The following THEMIS variants were observed in gnomAD, a reference collection of about 807,000 sequenced individuals.
THEMIS encodes the protein thymocyte selection associated.
A neutral mutation model predicts 52.6 loss-of-function variants in THEMIS; 37 were observed. The observed-to-expected ratio is 0.70, with a 90% CI of 0.54 to 0.93. THEMIS has a LOEUF of 0.93. Among genes scored for constraint, THEMIS ranks in the 40% least tolerant of loss-of-function variants. THEMIS has a pLI of 0.00. For synonymous variants in THEMIS, 292 were observed against 272.7 expected (o/e 1.07, Z -0.70); for missense variants, 808 against 763.1 (o/e 1.06, Z -0.69).
At chr6:127,745,481 G>A (rs542687504) in intron 4 of THEMIS, among the ~76,000 whole-genome samples, 2 of 151,816 alleles carry the variant, frequency 1.3e-5, no homozygotes, top group South Asian at 4.2e-4. Context: ...TAACAGTATG[G>A]ATATGGCATT....
At chr6:127,746,523 T>C (rs1191761326) in intron 4 of THEMIS, among the ~76,000 whole-genome samples, 1 of 149,980 alleles carries the variant, frequency 6.7e-6, no homozygotes, top group African/African-American at 2.4e-5. Flanking sequence ...AATTTGGTAA[T>C]ATGATCTAGT....
downstream of THEMIS, among the ~76,000 whole-genome samples, chr6:127,704,711 A>C (rs1306775511): frequency 1.3e-5 from 2 of 152,196 alleles, no homozygotes; most frequent in Non-Finnish European, 2.9e-5. Context: ...CAGCACATAC[A>C]AGACTGGGGT....
intron 4 of THEMIS, among the ~76,000 whole-genome samples, chr6:127,739,608 C>G (rs1775128253): frequency 6.6e-6 from 1 of 152,134 alleles, no homozygotes; most frequent in Admixed American, 6.5e-5. Context: ...CCACTGCACG[C>G]TAGCCTGGGC....
At chr6:127,886,656 C>T (rs1174517675) in intron 1 of THEMIS, among the ~76,000 whole-genome samples, 1 of 152,082 alleles carries the variant, frequency 6.6e-6, no homozygotes, top group African/African-American at 2.4e-5. Context: ...CACAAAAAAA[C>T]CTCGGACATG....
At chr6:127,723,320 G>A (rs1298617726) in intron 4 of THEMIS, among the ~76,000 whole-genome samples, 1 of 151,964 alleles carries the variant, frequency 6.6e-6, no homozygotes, top group Admixed American at 6.6e-5. Context: ...AGCAGCATCT[G>A]ACATGTCTGG....
chr6:127,813,592 G>A lies in THEMIS; in HGVS notation c.1049C>T (p.Pro350Leu), dbSNP rs1778014831. 1 of 1,614,064 alleles carries A rather than the reference G, an allele frequency of 6.2e-7. No homozygotes were observed. Among genetic ancestry groups the A allele is most frequent in the Non-Finnish European group, 8.5e-7 (1 of 1,179,992 alleles). The change falls in exon 4 of 6, where the codon CCA becomes CTA. Residue 350 changes from proline (P) to leucine (L), a missense_variant. Physicochemically the swap from Pro to Leu is moderately conservative, Grantham distance 98. Transcript: ENST00000368248. The stretch of plus-strand genomic sequence containing the variant: ...AGCGATCTCTAGGTCATAGGCCGTT[G>A]GGAACTCCCTCGGTCGCCGCTTGAA... ...GKFKRRPREF[P>L]TAYDLEIAKS...
chr6:127,800,763 T>C (rs1393013659), intron 4 of THEMIS, among the ~76,000 whole-genome samples: 3 of 152,148 alleles, frequency 2.0e-5, no homozygotes, highest in African/African-American at 4.8e-5. Context: ...AGCCTACATC[T>C]TTCTCCTGTG....
intron 4 of THEMIS, among the ~76,000 whole-genome samples, chr6:127,748,422 C>T (rs527846609): frequency 1.3e-5 from 2 of 152,120 alleles, no homozygotes; most frequent in South Asian, 4.2e-4. Context: ...TTATAACAAT[C>T]CACTCTCACT....
At chr6:127,816,823 C>T (rs551501708) in intron 3 of THEMIS, among the ~76,000 whole-genome samples, 5 of 152,296 alleles carry the variant, frequency 3.3e-5, no homozygotes, top group Admixed American at 1.3e-4. Context: ...TCATCTGCTA[C>T]TCCTTTGTCT....
chr6:127,702,784 A>G, the THEMIS span, among the ~76,000 whole-genome samples: 2 of 152,118 alleles, frequency 1.3e-5, no homozygotes, highest in Non-Finnish European at 2.9e-5. Context: ...TGAAAGGCAC[A>G]TCTCACATAG....
intron 2 of THEMIS, among the ~76,000 whole-genome samples, chr6:127,842,833 C>T (rs934350796): frequency 6.6e-6 from 1 of 151,806 alleles, no homozygotes; most frequent in Non-Finnish European, 1.5e-5. Context: ...TTCAGCAACC[C>T]CCTGTGTCAC....
chr6:127,716,894 G>A (rs985095042), intron 5 of THEMIS, among the ~76,000 whole-genome samples: 5 of 151,832 alleles, frequency 3.3e-5, no homozygotes, highest in African/African-American at 1.2e-4. Flanking sequence ...CTTTTACTCT[G>A]AGGAATCAGT....
intron 1 of THEMIS, among the ~76,000 whole-genome samples, chr6:127,862,239 G>C (rs966501601): frequency 2.0e-5 from 3 of 151,880 alleles, no homozygotes; most frequent in African/African-American, 7.3e-5. Flanking sequence ...AAAGACACAG[G>C]AATTTTAATC....
intron 3 of THEMIS, among the ~76,000 whole-genome samples, chr6:127,826,582 T>C (rs947356318): frequency 7.9e-5 from 12 of 152,178 alleles, no homozygotes; most frequent in African/African-American, 2.9e-4. Flanking sequence ...AGGGAAGAAA[T>C]AATTATCAAT....
At position 127,781,006 on chromosome 6, in the gene THEMIS, C is replaced by G. The variant is rs140634927; in HGVS notation, c.1758+31877G>C. On this transcript the variant is annotated intron_variant, in intron 4 of 5. Coordinates refer to ENST00000368248, the MANE Select transcript of THEMIS (RefSeq NM_001010923.3). ...GTGTGTTTTCCAACTTGGTTCCATT[C>G]TTTCCGTCACTTTCAGGTACACCAA... 9.7e-3 allele frequency among the ~76,000 whole-genome samples: 1,473 copies of G among 152,196 alleles called. 25 individuals carry two copies. The highest frequency in any genetic ancestry group is 0.034 in the African/African-American group (1,405 of 41,534).
At chr6:127,790,197 T>C in intron 4 of THEMIS, among the ~76,000 whole-genome samples, 1 of 152,186 alleles carries the variant, frequency 6.6e-6, no homozygotes, top group East Asian at 1.9e-4. Context: ...ACAAAATCAA[T>C]GTGCAAAAAT....
intron 4 of THEMIS, among the ~76,000 whole-genome samples, chr6:127,767,926 T>C (rs1776255526): frequency 6.6e-6 from 1 of 152,194 alleles, no homozygotes; most frequent in East Asian, 1.9e-4. Context: ...TATAATCTTA[T>C]GAGACCACTG....
At chr6:127,844,751 AC>A (rs1225797068) in intron 2 of THEMIS, among the ~76,000 whole-genome samples, 4 of 151,944 alleles carry the variant, frequency 2.6e-5, no homozygotes, top group African/African-American at 9.7e-5. Flanking sequence ...ACTATAAACC[AC>A]ACATGACATG....
intron 3 of THEMIS, among the ~76,000 whole-genome samples, chr6:127,815,459 T>C (rs1278790522): frequency 2.6e-5 from 4 of 152,182 alleles, no homozygotes. Context: ...ATTACTTATA[T>C]GTCCTGTGTA....
Sources: gnomAD v4.1 joint callset for allele counts (sites outside exome capture counted in the v4.1 genomes callset) on GRCh38, gnomAD v4.1.1 for gene constraint, MANE v1.5 for transcripts, NCBI Gene and HGNC (gene_info 2026-07-23, HGNC 2026-07-21) for gene names.